The following SGF29 variants were observed in gnomAD, a reference collection of about 807,000 sequenced individuals.
The protein encoded by SGF29 is SAGA complex associated factor 29, also known as SAGA-associated factor 29.
A neutral mutation model predicts 38.1 loss-of-function variants in SGF29; 15 were observed. The ratio of observed to expected loss-of-function variants is 0.39; its 90% CI spans 0.26 to 0.61. The LOEUF is 0.61. SGF29 is among the 20% of genes least tolerant of loss of function. The probability of loss-of-function intolerance (pLI) is 0.49; values close to 1 mark genes in which losing one functional copy is unlikely to be tolerated. For missense variants in SGF29, 184 were observed against 394.6 expected, an observed-to-expected ratio of 0.47 and a Z score of 4.52; for synonymous variants, 151 against 160.8, an observed-to-expected ratio of 0.94 and a Z score of 0.46.
intron 1 of SGF29, among the ~76,000 whole-genome samples, chr16:28,572,268 G>A (rs3986793): frequency 0.038 from 5,696 of 150,122 alleles, 227 homozygotes; most frequent in East Asian, 0.21. Context: ...GAGCCACTGC[G>A]CCCGGCCCTT....
chr16:28,569,063 G>A (rs988171853), intron 1 of SGF29, among the ~76,000 whole-genome samples: 2 of 152,168 alleles, frequency 1.3e-5, no homozygotes, highest in African/African-American at 4.8e-5. Context: ...ACTCCAGCCT[G>A]GGCAACAAGA....
chr16:28,562,402 G>A (rs148793177), intron 1 of SGF29, among the ~76,000 whole-genome samples: 168 of 152,174 alleles, frequency 1.1e-3, no homozygotes, highest in African/African-American at 3.8e-3. Context: ...GACTATTCCT[G>A]GAACATGAAG....
chr16:28,566,673 C>G (rs1203136011), intron 1 of SGF29, among the ~76,000 whole-genome samples: 1 of 150,200 alleles, frequency 6.7e-6, no homozygotes, highest in Non-Finnish European at 1.5e-5. Flanking sequence ...CCCAGCTACT[C>G]AGGAGGCTGA....
At chr16:28,588,569 T>TC (rs752229235) in intron 4 of SGF29, 1 of 430,286 alleles carries the variant, frequency 2.3e-6, no homozygotes, top group Non-Finnish European at 4.5e-6. Flanking sequence ...TTTCCAGTTT[T>TC]CTTTTTTTTT....
chr16:28,564,520 T>C (rs978416617), intron 1 of SGF29, among the ~76,000 whole-genome samples: 7 of 117,306 alleles, frequency 6.0e-5, no homozygotes, highest in Non-Finnish European at 1.8e-5. Flanking sequence ...TATATATATA[T>C]GTGTGTGTAT....
Position 28,590,768 on chromosome 16 carries a change from C to T in SGF29, c.603-5C>T, listed in dbSNP as rs1304177145. The T allele has an allele frequency of 1.2e-6, 2 of 1,614,024 alleles. No individual in the cohort carries two copies. The highest frequency in any genetic ancestry group is 1.7e-6 in the Non-Finnish European group (2 of 1,179,938). Reference sequence around the variant, plus strand: ...ACAGGTTGATATAAGCCCCTCTTCCCCCAGGAGACACACCCTGAGCCGGCG... The same window carrying T: ...ACAGGTTGATATAAGCCCCTCTTCCTCCAGGAGACACACCCTGAGCCGGCG... On this transcript the variant is annotated splice_polypyrimidine_tract_variant and splice_region_variant and intron_variant, in intron 8 of 9. Transcript: ENST00000317058. This position sits in a 1 kb window ranked among gnomAD's most constrained non-coding sequence, Gnocchi z 8.2.
At chr16:28,580,972 G>T in intron 1 of SGF29, 83 bp from the exon 2 acceptor site, 1 of 1,024,786 alleles carries the variant, frequency 9.8e-7, no homozygotes, top group Non-Finnish European at 1.5e-6. Context: ...GAGCCTCCAG[G>T]CCTAATGTAT....
At chr16:28,578,639 G>C (rs2072541483) in intron 1 of SGF29, among the ~76,000 whole-genome samples, 1 of 150,120 alleles carries the variant, frequency 6.7e-6, no homozygotes, top group Non-Finnish European at 1.5e-5. Flanking sequence ...CATTCATCGT[G>C]AATCTGATCT....
intron 1 of SGF29, among the ~76,000 whole-genome samples, chr16:28,567,660 A>C (rs1364977616): frequency 6.6e-6 from 1 of 152,222 alleles, no homozygotes; most frequent in Non-Finnish European, 1.5e-5. Flanking sequence ...AGAGCTGTAG[A>C]GAAAGCCTCA....
chr16:28,587,248 G>T (rs531612831), intron 4 of SGF29, among the ~76,000 whole-genome samples: 2 of 152,198 alleles, frequency 1.3e-5, no homozygotes, highest in African/African-American at 4.8e-5. Context: ...TGATTTGTGC[G>T]TGAAACAATT....
chr16:28,564,708 C>CATATATATGTATATATGT (rs2046821133), intron 1 of SGF29, among the ~76,000 whole-genome samples: 24 of 50,238 alleles, frequency 4.8e-4, no homozygotes, highest in Admixed American at 1.9e-3. Context: ...TATATATATA[C>CATATATATGTATATATGT]ATATATATGT....
Position 28,590,924 on chromosome 16 carries a change from C to T in SGF29, c.754C>T (p.Pro252Ser). 6.2e-7 allele frequency: 1 copy of T among 1,610,030 alleles called. No homozygotes were observed. Among genetic ancestry groups the T allele is most frequent in the South Asian group, 1.1e-5 (1 of 90,520 alleles). Residue 252 changes from proline to serine, a missense_variant, in exon 9 of 10, where the codon CCC (proline) becomes TCC (serine). By Grantham distance (74) the Pro-to-Ser change is moderately conservative. This residue lies in a region of SGF29 where 107 missense variants were observed against 276.9 expected (regional missense o/e 0.39). Transcript: ENST00000317058. This position sits in a 1 kb window ranked among gnomAD's most constrained non-coding sequence, Gnocchi z 8.2. ...CTTCTACCGCGCCCTGATCCATGCG[C>T]CCCCACAGCGGGTAAAGCAGCCTCC... ...TCFYRALIHA[P>S]PQRPQDDYSV...
intron 1 of SGF29, among the ~76,000 whole-genome samples, chr16:28,555,528 A>G (rs953582833): frequency 2.0e-5 from 3 of 152,206 alleles, no homozygotes; most frequent in African/African-American, 7.2e-5. Context: ...GACCTGCACA[A>G]TTAAAACCTG....
chr16:28,561,500 T>G (rs1318642902), intron 1 of SGF29, among the ~76,000 whole-genome samples: 1 of 150,448 alleles, frequency 6.6e-6, no homozygotes, highest in African/African-American at 2.5e-5. Context: ...ACCACTGCAC[T>G]CCAGCCTGGG....
At chr16:28,587,877 G>T (rs938949562) in intron 4 of SGF29, among the ~76,000 whole-genome samples, 2 of 152,142 alleles carry the variant, frequency 1.3e-5, no homozygotes, top group African/African-American at 2.4e-5. Context: ...TCGGCTCACT[G>T]CAAGCTCTGC....
chr16:28,558,110 CTTTT>C (rs1173870291), intron 1 of SGF29, among the ~76,000 whole-genome samples: 1 of 129,760 alleles, frequency 7.7e-6, no homozygotes, highest in Non-Finnish European at 1.7e-5. Flanking sequence ...CACCTGGGTA[CTTTT>C]TTTTTTTTTT....
chr16:28,591,605 T>C lies in SGF29; in HGVS notation c.781T>C (p.Ser261Pro), dbSNP rs1291380395. 6.2e-7 allele frequency: 1 copy of C among 1,613,688 alleles called. No homozygotes were observed. Among genetic ancestry groups the C allele is most frequent in the South Asian group, 1.1e-5 (1 of 91,060 alleles). ...APPQRPQDDYSVLFEDTSYAD... is the reference protein window; with the variant it reads ...APPQRPQDDYPVLFEDTSYAD... ...TGCCCCACAGCCCCAGGATGACTAC[T>C]CGGTCCTGTTTGAAGACACCTCCTA... Residue 261 changes from serine to proline, a missense_variant, in exon 10 of 10, where the codon TCG becomes CCG. Ser to Pro is a moderately conservative substitution (Grantham distance 74). Around this residue, in one of 2 missense-constraint regions of SGF29, gnomAD observed 107 missense variants for 276.9 expected, o/e 0.39. Transcript: ENST00000317058.
chr16:28,581,074 C>A lies in SGF29; in HGVS notation c.5C>A (p.Ala2Asp), dbSNP rs1430303935. 6.2e-7 allele frequency: 1 copy of A among 1,613,802 alleles called. No individual in the cohort carries two copies. The highest frequency in any genetic ancestry group is 1.1e-5 in the South Asian group (1 of 90,998). Residue 2 changes from alanine to aspartate, a missense_variant, in exon 2 of 10, where the codon GCC (alanine) becomes GAC (aspartate). By Grantham distance (126) the Ala-to-Asp change is moderately radical (BLOSUM62 -2). Coordinates refer to ENST00000317058, the MANE Select transcript of SGF29 (RefSeq NM_138414.3). Reference sequence around the variant, plus strand: ...CACCAGGTGCCCCTGTAGACAATGGCCCTCGTGTCTGCCGATTCCCGCATT... The same window carrying A: ...CACCAGGTGCCCCTGTAGACAATGGACCTCGTGTCTGCCGATTCCCGCATT... M[A>D]LVSADSRIAE... is the part of the protein sequence containing the mutation.
At chr16:28,587,732 G>C (rs190646529) in intron 4 of SGF29, among the ~76,000 whole-genome samples, 1 of 152,334 alleles carries the variant, frequency 6.6e-6, no homozygotes, top group East Asian at 1.9e-4. Flanking sequence ...GGAATGGACT[G>C]GGGTTTGCCA....
Sources: allele counts gnomAD v4.1 joint callset (sites outside exome capture counted in the v4.1 genomes callset), GRCh38; gene constraint gnomAD v4.1.1; regional missense constraint gnomAD v4.1.1; non-coding constraint Gnocchi (gnomAD v3.1); transcripts MANE v1.5; gene names NCBI Gene and HGNC (gene_info 2026-07-23, HGNC 2026-07-21).